YY1: variants seen among roughly 807,000 people sequenced by gnomAD.
The protein encoded by YY1 is YY1 transcription factor, also known as transcriptional repressor protein YY1.
Under a neutral mutation model 35.6 loss-of-function variants are expected in YY1, and 2 were observed. The observed-to-expected ratio is 0.06, with a 90% CI of 0.02 to 0.18. YY1 has a LOEUF of 0.18. Among genes scored for constraint, YY1 ranks in the 10% least tolerant of loss-of-function variants. The pLI is 1.00. For missense variants in YY1, 322 were observed against 573.4 expected (o/e 0.56, Z 4.48); for synonymous variants, 268 against 238.9 (o/e 1.12, Z -1.12).
In YY1 at chr14:100,239,690, C is replaced by T; in HGVS notation, c.446C>T (p.Thr149Met). ...GGCGACGACGACTACATTGAACAAA[C>T]GCTGGTCACCGTGGCGGCGGCCGGC... ...AGGDDDYIEQ[T>M]LVTVAAAGKS... Residue 149 changes from threonine (T) to methionine (M), a missense_variant, in exon 1 of 5, where the codon ACG becomes ATG. Physicochemically the swap from Thr to Met is moderately conservative, Grantham distance 81 (BLOSUM62 -1). This residue lies in a region of YY1 where 152 missense variants were observed against 167.1 expected (regional missense o/e 0.91). Transcript: ENST00000262238. 6.2e-7 allele frequency: 1 copy of T among 1,605,684 alleles called. No homozygotes were observed. Among genetic ancestry groups the T allele is most frequent in the Non-Finnish European group, 8.5e-7 (1 of 1,178,920 alleles).
intron 1 of YY1, among the ~76,000 whole-genome samples, chr14:100,245,816 A>G (rs1219526005): frequency 6.6e-6 from 1 of 152,092 alleles, no homozygotes; most frequent in Non-Finnish European, 1.5e-5. Flanking sequence ...CATGTTGGCC[A>G]GGCTGGTCTC....
chr14:100,257,507 G>A (rs566930358), intron 1 of YY1, among the ~76,000 whole-genome samples: 3 of 152,114 alleles, frequency 2.0e-5, no homozygotes, highest in Non-Finnish European at 4.4e-5. Context: ...GGTATTAGAG[G>A]GTAGGTCCTT....
intron 1 of YY1, among the ~76,000 whole-genome samples, chr14:100,242,568 T>G (rs1890766840): frequency 6.6e-6 from 1 of 151,640 alleles, no homozygotes; most frequent in African/African-American, 2.4e-5. Context: ...TTTTGTGTTT[T>G]TAGTAGAGAC....
At chr14:100,267,162 G>T (rs1891167421) in intron 2 of YY1, among the ~76,000 whole-genome samples, 1 of 152,130 alleles carries the variant, frequency 6.6e-6, no homozygotes, top group Admixed American at 6.6e-5. Flanking sequence ...CATGAAAAGG[G>T]GTGAGGGAGT....
At chr14:100,268,632 A>G (rs913117547) in intron 2 of YY1, among the ~76,000 whole-genome samples, 3 of 152,240 alleles carry the variant, frequency 2.0e-5, no homozygotes, top group Admixed American at 2.0e-4. Context: ...AAAATACCTC[A>G]CAACTCTTCA....
At chr14:100,259,806 G>A (rs1203105226) in intron 1 of YY1, among the ~76,000 whole-genome samples, 1 of 152,152 alleles carries the variant, frequency 6.6e-6, no homozygotes, top group East Asian at 1.9e-4. Flanking sequence ...ATGTGCAAAG[G>A]AGAAATAGAA....
rs537857221 is a variant in YY1 at position 100,262,475 on chromosome 14, T to C, written c.842+9T>C. 55 of 1,613,834 alleles carry C rather than the reference T, an allele frequency of 3.4e-5. No homozygotes were observed. The highest frequency in any genetic ancestry group is 5.3e-5 in the African/African-American group (4 of 74,950). ...CTGGCAGAATTTGCTAGGTAAGTTA[T>C]AAGAACTTTCCTTTCTTTTAATTAT... On this transcript the variant is annotated intron_variant, in intron 2 of 4. Coordinates refer to ENST00000262238, the MANE Select transcript of YY1 (RefSeq NM_003403.5).
In YY1 at chr14:100,276,790, G is replaced by T; in HGVS notation, c.1062+142G>T. Reference sequence around the variant, plus strand: ...CTTGGTGAGAAACAAAACTTCTCCTGGGGAGTCGCTTAGAAGGGTTGCCGG... The same window carrying T: ...CTTGGTGAGAAACAAAACTTCTCCTTGGGAGTCGCTTAGAAGGGTTGCCGG... On this transcript the variant is annotated intron_variant, in intron 4 of 4. Transcript: ENST00000262238. The surrounding 1 kb of genome is among the most constrained non-coding windows in gnomAD (Gnocchi z 4.1). 1 of 1,290,124 alleles carries T rather than the reference G, an allele frequency of 7.8e-7. No homozygotes were observed. Among genetic ancestry groups the T allele is most frequent in the Non-Finnish European group, 1.1e-6 (1 of 920,288 alleles). The allele number at this position is 1,290,124 out of a possible 1,614,324, so 79.9% of individuals were successfully genotyped here. A position where few individuals can be genotyped will look rare whatever the true frequency, so the allele number is the denominator to read the frequency against.
At chr14:100,245,681 A>C (rs976941901) in intron 1 of YY1, among the ~76,000 whole-genome samples, 9 of 151,776 alleles carry the variant, frequency 5.9e-5, no homozygotes, top group Non-Finnish European at 1.0e-4. Context: ...ATCTCGGCTC[A>C]CTGCAAGCTC....
In YY1 at chr14:100,259,065, G is replaced by C. The variant is rs1159090068; in HGVS notation, c.680-3239G>C. On this transcript the variant is annotated intron_variant, in intron 1 of 4. Transcript: ENST00000262238. Reference sequence around the variant, plus strand: ...GGAAAGGTAATTCAAGGTAAAAGTTGAAGCCAGTTTCACTTCTGAAATATT... The same window carrying C: ...GGAAAGGTAATTCAAGGTAAAAGTTCAAGCCAGTTTCACTTCTGAAATATT... Among the ~76,000 whole-genome samples the C allele has an allele frequency of 2.6e-5, 4 of 152,216 alleles. No homozygotes were observed. In the East Asian group the frequency reaches 7.7e-4, roughly 29 times the overall value.
intron 1 of YY1, among the ~76,000 whole-genome samples, chr14:100,254,653 T>C (rs1890974526): frequency 6.6e-6 from 1 of 151,710 alleles, no homozygotes; most frequent in Admixed American, 6.6e-5. Flanking sequence ...GATGGATTTT[T>C]GCCATGTTGG....
Position 100,239,665 on chromosome 14 carries a change from G to A in YY1, c.421G>A (p.Gly141Ser), listed in dbSNP as rs139565994. ...ILIPVPAPAG[G>S]DDDYIEQTLV... ...CATCCCGGTGCCCGCGCCGGCCGGC[G>A]GCGACGACGACTACATTGAACAAAC... The change falls in exon 1 of 5, where the codon GGC (glycine) becomes AGC (serine). Residue 141 changes from glycine (G) to serine (S), a missense_variant. Physicochemically the swap from Gly to Ser is moderately conservative, Grantham distance 56. Around this residue, in one of 4 missense-constraint regions of YY1, gnomAD observed 152 missense variants for 167.1 expected, o/e 0.91. Coordinates refer to ENST00000262238, the MANE Select transcript of YY1 (RefSeq NM_003403.5). 4.8e-4 allele frequency: 780 copies of A among 1,608,964 alleles called. 3 individuals carry two copies. The highest frequency in any genetic ancestry group is 1.4e-4 in the Non-Finnish European group (168 of 1,179,536).
intron 1 of YY1, among the ~76,000 whole-genome samples, chr14:100,249,375 C>T (rs570967946): frequency 6.6e-6 from 1 of 152,082 alleles, no homozygotes; most frequent in East Asian, 1.9e-4. Context: ...CCTGCCTCAG[C>T]CTCCAAAGTT....
chr14:100,273,770 T>G (rs748554030), intron 2 of YY1, among the ~76,000 whole-genome samples: 40 of 152,168 alleles, frequency 2.6e-4, no homozygotes, highest in Non-Finnish European at 4.9e-4. Context: ...ATTCTCTAGT[T>G]TTTTTAGGAA....
intron 1 of YY1, among the ~76,000 whole-genome samples, chr14:100,256,186 G>A (rs979748630): frequency 1.3e-5 from 2 of 151,388 alleles, no homozygotes; most frequent in South Asian, 2.1e-4. Flanking sequence ...CACAGATTAC[G>A]ATATAATTCT....
At chr14:100,241,985 G>C (rs867555720) in intron 1 of YY1, among the ~76,000 whole-genome samples, 3,283 of 149,820 alleles carry the variant, frequency 0.022, 126 homozygotes, top group Non-Finnish European at 0.034. Flanking sequence ...AAAAGGGGGG[G>C]GGGGGCATTT....
chr14:100,257,416 T>G (rs150146873), intron 1 of YY1, among the ~76,000 whole-genome samples: 15 of 152,300 alleles, frequency 9.8e-5, no homozygotes, highest in Non-Finnish European at 1.8e-4. Flanking sequence ...CTCAGCACAC[T>G]TGAGACATGC....
At chr14:100,257,070 A>G (rs544263276) in intron 1 of YY1, among the ~76,000 whole-genome samples, 4 of 152,228 alleles carry the variant, frequency 2.6e-5, no homozygotes, top group Non-Finnish European at 5.9e-5. Flanking sequence ...AGTGTATGCC[A>G]CTTGCACTTG....
Position 100,276,342 on chromosome 14 carries a change from T to C in YY1, c.904-148T>C. 9.4e-7 allele frequency: 1 copy of C among 1,058,434 alleles called. No homozygotes were observed. The allele number at this position is 1,058,434 out of a possible 1,614,324, so 65.6% of individuals were successfully genotyped here. A position where few individuals can be genotyped will look rare whatever the true frequency, so the allele number is the denominator to read the frequency against. On this transcript the variant is annotated intron_variant, in intron 3 of 4. Coordinates refer to ENST00000262238, the MANE Select transcript of YY1 (RefSeq NM_003403.5). This position sits in a 1 kb window ranked among gnomAD's most constrained non-coding sequence, Gnocchi z 4.1. ...TGTCTGCTTTTTGTCTTAAATGATA[T>C]TAATGTTCTACCGTAATACTAAGTA...
Sources: gnomAD v4.1 joint callset for allele counts (sites outside exome capture counted in the v4.1 genomes callset) on GRCh38, gnomAD v4.1.1 for gene constraint, gnomAD v4.1.1 regional missense constraint, Gnocchi (gnomAD v3.1) non-coding constraint, MANE v1.5 for transcripts, NCBI Gene and HGNC (gene_info 2026-07-23, HGNC 2026-07-21) for gene names.